XPO1: variants seen among roughly 807,000 people sequenced by gnomAD.
The protein encoded by XPO1 is exportin 1, also known as exportin-1.
Under a neutral mutation model 133.3 loss-of-function variants are expected in XPO1, and 5 were observed. That is an observed-to-expected ratio of 0.04 (90% CI 0.02 to 0.08). The LOEUF (loss-of-function observed/expected upper bound fraction) is 0.08, where lower values mean the gene tolerates loss of function less well. XPO1 is among the 10% of genes least tolerant of loss of function. The pLI is 1.00. For synonymous variants in XPO1, 419 were observed against 408.2 expected, an observed-to-expected ratio of 1.03 and a Z score of -0.32; for missense variants, 506 against 1,267.5, an observed-to-expected ratio of 0.40 and a Z score of 9.12.
Position 61,488,204 on chromosome 2 carries a change from T to C in XPO1, c.2274A>G (p.Leu758=), listed in dbSNP as rs1268674484. 6.2e-7 allele frequency: 1 copy of C among 1,614,058 alleles called. No homozygotes were observed. Among genetic ancestry groups the C allele is most frequent in the Admixed American group, 1.7e-5 (1 of 60,026 alleles). ...TGGATCGGCTCACCCAACCAGATAT[T>C]AACTTTAAAGTTTCCCTTTTTACAG... ...MRTVKRETLK[L]ISGWVSRSND... Residue 758 remains leucine (L), a synonymous_variant, in exon 19 of 25, where the codon TTA becomes TTG. Transcript: ENST00000401558.
chr2:61,500,726 G>A (rs1430660229), intron 6 of XPO1, among the ~76,000 whole-genome samples: 8 of 152,248 alleles, frequency 5.3e-5, no homozygotes, highest in South Asian at 4.1e-4. Context: ...TTGAACCTGG[G>A]AGGTGGAGGT....
chr2:61,491,730 C>T (rs1189512982), intron 16 of XPO1, among the ~76,000 whole-genome samples: 1 of 151,974 alleles, frequency 6.6e-6, no homozygotes, highest in African/African-American at 2.4e-5. Flanking sequence ...CCCATCTCTA[C>T]CAAGGGGGGG....
intron 4 of XPO1, among the ~76,000 whole-genome samples, chr2:61,520,498 A>AG (rs1178881775): frequency 6.6e-6 from 1 of 151,920 alleles, no homozygotes; most frequent in Non-Finnish European, 1.5e-5. Flanking sequence ...AAAAAAAAAA[A>AG]AAATTTAGTA....
At chr2:61,506,600 A>AAAAAAAAG (rs1697829409) in intron 4 of XPO1, among the ~76,000 whole-genome samples, 1 of 149,182 alleles carries the variant, frequency 6.7e-6, no homozygotes, top group African/African-American at 2.4e-5. Flanking sequence ...TTCCGTCTCA[A>AAAAAAAAG]AAAAAAAAAA....
rs1438211798 is a variant in XPO1, at chr2:61,501,733, A to AAG, written c.408+262_408+263insCT. 2.4e-3 allele frequency among the ~76,000 whole-genome samples: 324 copies of AAG among 137,782 alleles called. 5 individuals are homozygous for AAG. Among genetic ancestry groups the AAG allele is most frequent in the Non-Finnish European group, 1.2e-3 (77 of 64,892 alleles). 90.4% of individuals were successfully genotyped at this position (137,782 alleles called of 152,430 possible). A position where few individuals can be genotyped will look rare whatever the true frequency, so the allele number is the denominator to read the frequency against. ...GGGAGACTGTCTCCAAAAAAAAAAA[A>AAG]AAAAGAAAAGAAAAGATAAATAAGA... is the stretch of plus-strand genomic sequence containing the variant. On this transcript the variant is annotated intron_variant, in intron 6 of 24. Coordinates refer to ENST00000401558, the MANE Select transcript of XPO1 (RefSeq NM_003400.4).
At chr2:61,514,031 C>A (rs767641805) in intron 4 of XPO1, among the ~76,000 whole-genome samples, 2 of 151,630 alleles carry the variant, frequency 1.3e-5, no homozygotes, top group Admixed American at 6.6e-5. Flanking sequence ...ACTAAAAATA[C>A]GAAAAAGTAG....
chr2:61,511,714 A>T (rs1162063419), intron 4 of XPO1, among the ~76,000 whole-genome samples: 4 of 151,904 alleles, frequency 2.6e-5, no homozygotes, highest in Non-Finnish European at 5.9e-5. Context: ...TGTTTTTTTT[A>T]GAAATGAAAA....
chr2:61,525,238 G>A (rs1432325041), intron 3 of XPO1: 2 of 983,618 alleles, frequency 2.0e-6, no homozygotes, highest in Non-Finnish European at 2.4e-6. Flanking sequence ...TTGATGAACA[G>A]AATTCAGTTA....
intron 2 of XPO1, among the ~76,000 whole-genome samples, chr2:61,530,418 A>AG (rs943928499): frequency 2.0e-5 from 3 of 152,198 alleles, no homozygotes; most frequent in African/African-American, 7.2e-5. Flanking sequence ...CAAACTAAAG[A>AG]GAGAAAACCT....
chr2:61,496,656 C>A (rs1014530698), intron 10 of XPO1, among the ~76,000 whole-genome samples: 1 of 152,124 alleles, frequency 6.6e-6, no homozygotes, highest in Non-Finnish European at 1.5e-5. Flanking sequence ...AGACCAAGCT[C>A]CTAAAGTGTG....
intron 4 of XPO1, among the ~76,000 whole-genome samples, chr2:61,521,559 C>T (rs1263354033): frequency 1.3e-5 from 2 of 152,088 alleles, no homozygotes. Flanking sequence ...GACTACATTC[C>T]TCAAGGTAGC....
chr2:61,486,385 C>T (rs1313029500), intron 19 of XPO1, among the ~76,000 whole-genome samples: 4 of 152,124 alleles, frequency 2.6e-5, no homozygotes, highest in Admixed American at 2.0e-4. Context: ...CAGTGGGTGT[C>T]TCCAACTTAG....
intron 21 of XPO1, 109 bp downstream of exon 21, chr2:61,483,828 A>C (rs1328467788): frequency 2.4e-6 from 3 of 1,249,336 alleles, no homozygotes; most frequent in Non-Finnish European, 3.4e-6. Context: ...TCATATATGT[A>C]ATTCACACAC....
intron 17 of XPO1, 50 bp from the exon 18 acceptor site, chr2:61,488,821 G>C (rs771849351): frequency 6.9e-6 from 11 of 1,589,860 alleles, no homozygotes; most frequent in Non-Finnish European, 9.4e-6. Context: ...ATTATCCACG[G>C]CTGGGAACAG....
chr2:61,518,412 A>T (rs867569217), intron 4 of XPO1, among the ~76,000 whole-genome samples: 1 of 98,480 alleles, frequency 1.0e-5, no homozygotes, highest in South Asian at 2.4e-4. Flanking sequence ...AAAAACAAAA[A>T]ACAAAACACA....
intron 12 of XPO1, 131 bp from the exon 13 acceptor site, chr2:61,493,184 A>G: frequency 1.1e-6 from 1 of 903,864 alleles, no homozygotes; most frequent in Non-Finnish European, 1.6e-6. Context: ...TCATGCCTAT[A>G]ATTCCAACTA....
intron 2 of XPO1, among the ~76,000 whole-genome samples, chr2:61,530,663 T>A (rs1459909758): frequency 6.6e-6 from 1 of 152,000 alleles, no homozygotes; most frequent in Non-Finnish European, 1.5e-5. Flanking sequence ...GCAGAAGTTC[T>A]GTCTACAGAT....
At chr2:61,507,242 T>TGAAAAAAAAAAA (rs1255309924) in intron 4 of XPO1, among the ~76,000 whole-genome samples, 1 of 18,912 alleles carries the variant, frequency 5.3e-5, no homozygotes, top group Non-Finnish European at 1.1e-4. Flanking sequence ...AGACTCCATC[T>TGAAAAAAAAAAA]CAAAAAAAAA....
chr2:61,494,086 A>G lies in XPO1; in HGVS notation c.1053T>C (p.Leu351=). Residue 351 remains leucine (L), a synonymous_variant, in exon 12 of 25, where the codon CTT becomes CTC. Coordinates refer to ENST00000401558, the MANE Select transcript of XPO1 (RefSeq NM_003400.4). ...CTTCAGATACCAACAACATATAATG[A>G]AGGGCCTACACAGAAGACCAAAACT... ...LNLRETLMEA[L]HYMLLVSEVE... The G allele has an allele frequency of 6.2e-7, 1 of 1,613,356 alleles. No homozygotes were observed. Among genetic ancestry groups the G allele is most frequent in the South Asian group, 1.1e-5 (1 of 90,930 alleles).
Sources: gnomAD v4.1 joint callset for allele counts (sites outside exome capture counted in the v4.1 genomes callset) on GRCh38, gnomAD v4.1.1 for gene constraint, MANE v1.5 for transcripts, NCBI Gene and HGNC (gene_info 2026-07-23, HGNC 2026-07-21) for gene names.